NRG1: variants seen among roughly 807,000 people sequenced by gnomAD.
NRG1 encodes the protein pro-neuregulin-1, membrane-bound isoform.
A neutral mutation model predicts 63.8 loss-of-function variants in NRG1; 18 were observed. The ratio of observed to expected loss-of-function variants is 0.28; its 90% confidence interval spans 0.19 to 0.42. The LOEUF (loss-of-function observed/expected upper bound fraction) is 0.42. Ranked by LOEUF, NRG1 falls within the 10% of genes least tolerant of loss-of-function variation. NRG1 has a pLI of 1.00. For missense variants in NRG1, 762 were observed against 814.7 expected (o/e 0.94, Z 0.79); for synonymous variants, 302 against 301.3 (o/e 1.00, Z -0.02).
intron 1 of NRG1, among the ~76,000 whole-genome samples, chr8:32,145,760 G>A (rs1836803457): frequency 6.6e-6 from 1 of 152,316 alleles, no homozygotes; most frequent in East Asian, 1.9e-4. Flanking sequence ...GTGTTAGGGT[G>A]TTTATTATCA....
intron 5 of NRG1, among the ~76,000 whole-genome samples, chr8:32,651,629 G>A (rs1469812587): frequency 6.6e-6 from 1 of 152,022 alleles, no homozygotes; most frequent in Non-Finnish European, 1.5e-5. Context: ...TTTTCATCTT[G>A]GGCCAACTTT....
chr8:31,743,720 T>C (rs1815551587), intron 1 of NRG1, among the ~76,000 whole-genome samples: 1 of 151,966 alleles, frequency 6.6e-6, no homozygotes, highest in South Asian at 2.1e-4. Context: ...TTGGAAAGTC[T>C]TGCTTTAAAG....
chr8:31,720,283 A>G (rs1390594418), intron 1 of NRG1, among the ~76,000 whole-genome samples: 1 of 152,052 alleles, frequency 6.6e-6, no homozygotes, highest in Non-Finnish European at 1.5e-5. Flanking sequence ...TACATTTTTG[A>G]GTAGATATGT....
At chr8:31,783,090 ATATAGG>A (rs1478080865) in intron 1 of NRG1, among the ~76,000 whole-genome samples, 2 of 152,202 alleles carry the variant, frequency 1.3e-5, no homozygotes, top group Non-Finnish European at 2.9e-5. Flanking sequence ...GCAGACATAA[ATATAGG>A]TATAGGAGAA....
chr8:31,644,590 C>T (rs1804113582), intron 1 of NRG1, among the ~76,000 whole-genome samples: 3 of 152,106 alleles, frequency 2.0e-5, no homozygotes, highest in Admixed American at 2.0e-4. Context: ...AGCTGTACTT[C>T]CTCTGGCTTG....
At chr8:32,547,287 T>G (rs1376004789), upstream of NRG1, among the ~76,000 whole-genome samples, 4 of 151,818 alleles carry the variant, frequency 2.6e-5, no homozygotes, top group African/African-American at 9.7e-5. Context: ...AGGGAAGGAG[T>G]AGGTTTCACG....
At chr8:31,773,214 A>G (rs1316137835) in intron 1 of NRG1, among the ~76,000 whole-genome samples, 1 of 152,206 alleles carries the variant, frequency 6.6e-6, no homozygotes, top group Non-Finnish European at 1.5e-5. Context: ...AAAGTGTGGC[A>G]CTGTCAGCAT....
intron 1 of NRG1, among the ~76,000 whole-genome samples, chr8:31,991,389 C>CTTCTTCTTCTGT (rs1811063640): frequency 3.3e-5 from 5 of 151,496 alleles, no homozygotes; most frequent in Admixed American, 3.3e-4. Flanking sequence ...TCTTCTTCTG[C>CTTCTTCTTCTGT]TGCTTCTTCT....
intron 1 of NRG1, among the ~76,000 whole-genome samples, chr8:32,369,550 A>G (rs76267104): frequency 0.056 from 8,572 of 152,256 alleles, 319 homozygotes; most frequent in Middle Eastern, 0.099. Flanking sequence ...AGCTCTCTCT[A>G]GTATGCTAAG....
At chr8:31,728,948 A>G (rs1813732901) in intron 1 of NRG1, among the ~76,000 whole-genome samples, 2 of 152,232 alleles carry the variant, frequency 1.3e-5, no homozygotes, top group Admixed American at 1.3e-4. Flanking sequence ...TTTTGTCTGT[A>G]AATTCCATGT....
At chr8:32,611,460 C>T (rs1846347714) in intron 3 of NRG1, among the ~76,000 whole-genome samples, 1 of 151,998 alleles carries the variant, frequency 6.6e-6, no homozygotes, top group Non-Finnish European at 1.5e-5. Context: ...TAACAGTCTA[C>T]ATGTATATTG....
At chr8:32,730,564 G>C (rs1349561985) in intron 6 of NRG1, among the ~76,000 whole-genome samples, 1 of 152,092 alleles carries the variant, frequency 6.6e-6, no homozygotes, top group Non-Finnish European at 1.5e-5. Flanking sequence ...AATAATCTTA[G>C]AGATTCACTT....
intron 1 of NRG1, among the ~76,000 whole-genome samples, chr8:31,757,936 C>T (rs1203136505): frequency 6.6e-6 from 1 of 152,152 alleles, no homozygotes; most frequent in African/African-American, 2.4e-5. Context: ...CTCACTCCTC[C>T]TTCTCCTCTA....
intron 1 of NRG1, among the ~76,000 whole-genome samples, chr8:31,772,923 T>G (rs752519190): frequency 3.9e-5 from 6 of 152,156 alleles, no homozygotes; most frequent in Admixed American, 1.3e-4. Context: ...AAATGTAATC[T>G]CCTATGCACA....
At chr8:32,032,403 A>G (rs2130495638) in intron 1 of NRG1, among the ~76,000 whole-genome samples, 1 of 152,184 alleles carries the variant, frequency 6.6e-6, no homozygotes, top group Non-Finnish European at 1.5e-5. Flanking sequence ...AGCTGGGATT[A>G]TAGGCACCTG....
At chr8:32,604,810 T>C (rs1236883447) in intron 2 of NRG1, among the ~76,000 whole-genome samples, 1 of 152,098 alleles carries the variant, frequency 6.6e-6, no homozygotes, top group Non-Finnish European at 1.5e-5. Context: ...TCTTGGAGAC[T>C]GCTTAAATTA....
At chr8:32,638,511 A>C (rs1563824464) in intron 5 of NRG1, among the ~76,000 whole-genome samples, 2 of 152,176 alleles carry the variant, frequency 1.3e-5, no homozygotes, top group Admixed American at 1.3e-4. Context: ...CCAGTGTCTT[A>C]GAGATATGGT....
chr8:32,577,146 G>A (rs1011264002), intron 1 of NRG1, among the ~76,000 whole-genome samples: 1 of 152,196 alleles, frequency 6.6e-6, no homozygotes, highest in African/African-American at 2.4e-5. Context: ...TACACAGGAT[G>A]CAGTTTCATT....
intron 1 of NRG1, among the ~76,000 whole-genome samples, chr8:31,826,148 C>A (rs1157851207): frequency 6.6e-6 from 1 of 152,134 alleles, no homozygotes; most frequent in South Asian, 2.1e-4. Flanking sequence ...CCTAGGTGAA[C>A]CCATGGGTCT....
Sources: allele counts gnomAD v4.1 joint callset (sites outside exome capture counted in the v4.1 genomes callset), GRCh38; gene constraint gnomAD v4.1.1; transcripts MANE v1.5; gene names NCBI Gene and HGNC (gene_info 2026-07-23, HGNC 2026-07-21).